ADAMTSL1: variants seen among roughly 807,000 people sequenced by gnomAD.
ADAMTSL1 encodes the protein ADAMTS-like protein 1.
Under a neutral mutation model 201.8 loss-of-function variants are expected in ADAMTSL1, and 126 were observed. The ratio of observed to expected loss-of-function variants is 0.62; its 90% CI spans 0.54 to 0.72. ADAMTSL1 has a LOEUF of 0.72. ADAMTSL1 is among the 30% of genes least tolerant of loss of function. The pLI, the probability that ADAMTSL1 is intolerant of heterozygous loss-of-function variation, is 0.00. For synonymous variants in ADAMTSL1, 1,121 were observed against 903.4 expected, an observed-to-expected ratio of 1.24 and a Z score of -4.32; for missense variants, 2,679 against 2,277.8, an observed-to-expected ratio of 1.18 and a Z score of -3.59.
intron 1 of ADAMTSL1, among the ~76,000 whole-genome samples, chr9:17,952,182 G>A (rs1195788885): frequency 6.8e-6 from 1 of 146,456 alleles, no homozygotes; most frequent in Non-Finnish European, 1.5e-5. Context: ...TTGAACTCCT[G>A]AGCTCAAGCA....
At chr9:18,304,768 A>G (rs1033316037) in intron 2 of ADAMTSL1, among the ~76,000 whole-genome samples, 10 of 152,194 alleles carry the variant, frequency 6.6e-5, no homozygotes, top group African/African-American at 2.4e-4. Flanking sequence ...GGCATATTCC[A>G]TAACTCATAT....
chr9:18,006,172 T>G (rs1339922477), intron 1 of ADAMTSL1, among the ~76,000 whole-genome samples: 1 of 151,986 alleles, frequency 6.6e-6, no homozygotes, highest in Non-Finnish European at 1.5e-5. Flanking sequence ...GTGATATCAC[T>G]GAGTGTGGAC....
chr9:18,498,981 C>T (rs149624036), intron 1 of ADAMTSL1, among the ~76,000 whole-genome samples: 1,570 of 152,350 alleles, frequency 0.01, 21 homozygotes, highest in African/African-American at 0.03. Flanking sequence ...TGCGCAAAAG[C>T]GCACTGGAAT....
intron 2 of ADAMTSL1, among the ~76,000 whole-genome samples, chr9:18,466,669 C>T (rs1245100701): frequency 6.6e-6 from 1 of 152,002 alleles, no homozygotes; most frequent in Non-Finnish European, 1.5e-5. Context: ...AACTATACTA[C>T]AAATTAAATT....
chr9:18,853,437 G>T (rs911275415), intron 23 of ADAMTSL1, among the ~76,000 whole-genome samples: 1 of 152,144 alleles, frequency 6.6e-6, no homozygotes, highest in Non-Finnish European at 1.5e-5. Flanking sequence ...TGTGGGAAAT[G>T]GTCCTTGTGC....
chr9:18,244,012 C>G (rs1238544563), intron 2 of ADAMTSL1, among the ~76,000 whole-genome samples: 1 of 151,986 alleles, frequency 6.6e-6, no homozygotes, highest in Non-Finnish European at 1.5e-5. Context: ...TTGCATTTTT[C>G]CTTTTTTTAC....
chr9:18,731,026 A>G (rs1017020911), intron 15 of ADAMTSL1, among the ~76,000 whole-genome samples: 1 of 152,238 alleles, frequency 6.6e-6, no homozygotes, highest in Admixed American at 6.5e-5. Context: ...ATATGCCTCT[A>G]GAAGAGATGG....
chr9:18,669,776 A>G (rs1275835931), intron 9 of ADAMTSL1, among the ~76,000 whole-genome samples: 2 of 152,156 alleles, frequency 1.3e-5, no homozygotes. Flanking sequence ...GTCCAATAGC[A>G]TGGGTTTCCA....
intron 15 of ADAMTSL1, among the ~76,000 whole-genome samples, chr9:18,733,457 A>G (rs915342333): frequency 6.6e-6 from 1 of 152,170 alleles, no homozygotes; most frequent in Admixed American, 6.5e-5. Context: ...CCCACCACTG[A>G]GTTATTAGGC....
At chr9:18,177,034 A>C (rs1013373872) in intron 2 of ADAMTSL1, among the ~76,000 whole-genome samples, 35 of 152,188 alleles carry the variant, frequency 2.3e-4, no homozygotes, top group African/African-American at 8.0e-4. Context: ...ATTGCTTTGC[A>C]CCCTCAATTG....
intron 1 of ADAMTSL1, among the ~76,000 whole-genome samples, chr9:18,073,538 G>A (rs963743455): frequency 6.6e-6 from 1 of 152,140 alleles, no homozygotes; most frequent in Non-Finnish European, 1.5e-5. Flanking sequence ...TTTGGGTGGG[G>A]TCCATTGTGT....
At chr9:18,730,618 T>G (rs1450537770) in intron 15 of ADAMTSL1, among the ~76,000 whole-genome samples, 1 of 152,220 alleles carries the variant, frequency 6.6e-6, no homozygotes, top group Admixed American at 6.5e-5. Context: ...AGGGCTGCAG[T>G]GCACTTAGGT....
chr9:18,868,162 A>C (rs1827658979), intron 23 of ADAMTSL1, among the ~76,000 whole-genome samples: 1 of 152,204 alleles, frequency 6.6e-6, no homozygotes, highest in Non-Finnish European at 1.5e-5. Context: ...CATTTCTAGA[A>C]GTCCAATTGA....
chr9:18,132,607 G>C, intron 1 of ADAMTSL1, among the ~76,000 whole-genome samples: 1 of 152,174 alleles, frequency 6.6e-6, no homozygotes, highest in East Asian at 1.9e-4. Flanking sequence ...CTTCCAGATT[G>C]TATCACACTT....
At chr9:18,502,674 C>G (rs1372890791) in intron 1 of ADAMTSL1, among the ~76,000 whole-genome samples, 4 of 152,132 alleles carry the variant, frequency 2.6e-5, no homozygotes, top group Non-Finnish European at 4.4e-5. Flanking sequence ...ACCAAGGTGG[C>G]TCCGTTATCC....
intron 26 of ADAMTSL1, 76 bp downstream of exon 26, chr9:18,892,672 C>G: frequency 6.9e-7 from 1 of 1,449,058 alleles, no homozygotes; most frequent in Non-Finnish European, 9.3e-7. Context: ...AAGTGAAATG[C>G]TATCACTGCC....
chr9:18,769,963 A>G (rs1820595054), intron 16 of ADAMTSL1, among the ~76,000 whole-genome samples: 1 of 152,148 alleles, frequency 6.6e-6, no homozygotes, highest in Admixed American at 6.5e-5. Context: ...ACATGTAAAC[A>G]ATGTTTTATT....
intron 1 of ADAMTSL1, among the ~76,000 whole-genome samples, chr9:18,089,909 G>T (rs1823933806): frequency 6.6e-6 from 1 of 151,862 alleles, no homozygotes; most frequent in South Asian, 2.1e-4. Context: ...TGTTAAAAGA[G>T]TAGAGCTCAG....
chr9:18,015,698 G>T (rs1454059876), intron 1 of ADAMTSL1, among the ~76,000 whole-genome samples: 1 of 151,960 alleles, frequency 6.6e-6, no homozygotes, highest in Non-Finnish European at 1.5e-5. Flanking sequence ...TGGACTGAGG[G>T]CTGCCTGACC....
Sources: allele counts gnomAD v4.1 joint callset (sites outside exome capture counted in the v4.1 genomes callset), GRCh38; gene constraint gnomAD v4.1.1; transcripts MANE v1.5; gene names NCBI Gene and HGNC (gene_info 2026-07-23, HGNC 2026-07-21).